The following MYCBP2 variants were observed in gnomAD, a reference collection of about 807,000 sequenced individuals.
MYCBP2 encodes the protein E3 ubiquitin-protein ligase MYCBP2.
MYCBP2 carries 120 observed loss-of-function variants against 525.3 expected under a neutral mutation model. The ratio of observed to expected loss-of-function variants is 0.23; its 90% CI spans 0.20 to 0.27. The LOEUF is 0.27. Ranked by LOEUF, MYCBP2 falls within the 10% of genes least tolerant of loss-of-function variation. The pLI is 1.00. For missense variants in MYCBP2, 4,149 were observed against 5,657.1 expected (o/e 0.73, Z 8.55); for synonymous variants, 1,894 against 1,955.8 (o/e 0.97, Z 0.83).
chr13:77,225,548 C>T lies in MYCBP2; in HGVS notation c.2744G>A (p.Ser915Asn), dbSNP rs775219437. The change falls in exon 19 of 83, where the codon AGT (serine) becomes AAT (asparagine). Residue 915 changes from serine (S) to asparagine (N), a missense_variant. Around this residue, in one of 21 missense-constraint regions of MYCBP2, gnomAD observed 620 missense variants for 795.5 expected, o/e 0.78. Transcript: ENST00000544440. ...KHKRDKHKDG[S>N]GERGEKDASK... ...TGCATCCTTTTCGCCTCTTTCTCCA[C>T]TTCCATCTGCAAGTGTTATAATTTG... The T allele has an allele frequency of 2.0e-5, 32 of 1,613,400 alleles. 1 individual carries two copies. In the Admixed American group the frequency reaches 5.2e-4, roughly 26 times the overall value.
chr13:77,067,286 A>T (rs2040374648), intron 71 of MYCBP2, among the ~76,000 whole-genome samples: 1 of 152,206 alleles, frequency 6.6e-6, no homozygotes, highest in Non-Finnish European at 1.5e-5. Flanking sequence ...GCAAAAAAAC[A>T]TATTACCTAA....
chr13:77,278,678 A>G, intron 4 of MYCBP2, 80 bp downstream of exon 4: 3 of 1,212,618 alleles, frequency 2.5e-6, no homozygotes, highest in African/African-American at 1.6e-5. Flanking sequence ...ATATTCTCTT[A>G]ACAATTTTGA....
At chr13:77,255,842 G>C (rs77244118) in intron 14 of MYCBP2, among the ~76,000 whole-genome samples, 4,268 of 152,026 alleles carry the variant, frequency 0.028, 86 homozygotes, top group East Asian at 0.052. Flanking sequence ...AATTTATACA[G>C]CATTAATCCT....
Position 77,278,742 on chromosome 13 carries a change from G to T in MYCBP2, c.748+16C>A. 1 of 1,486,212 alleles carries T rather than the reference G, an allele frequency of 6.7e-7. No homozygotes were observed. Among genetic ancestry groups the T allele is most frequent in the East Asian group, 2.5e-5 (1 of 40,518 alleles). 92.1% of individuals were successfully genotyped at this position (1,486,212 alleles called of 1,614,324 possible). ...TTCACTTTTAAATGCTTCACTGAATGAGCCTTGGCTCTTACCTAGGACCTC... is the reference window on the plus strand; with the variant it reads ...TTCACTTTTAAATGCTTCACTGAATTAGCCTTGGCTCTTACCTAGGACCTC... On this transcript the variant is annotated intron_variant, in intron 4 of 82. Transcript: ENST00000544440.
At chr13:77,076,608 T>C (rs573766706) in intron 68 of MYCBP2, 143 bp downstream of exon 68, 6 of 553,404 alleles carry the variant, frequency 1.1e-5, no homozygotes, top group African/African-American at 7.7e-5. Context: ...TTTTAGATAG[T>C]TCCTTCATCT....
intron 43 of MYCBP2, among the ~76,000 whole-genome samples, chr13:77,163,523 G>GTATA (rs1324006664): frequency 6.6e-6 from 1 of 152,092 alleles, no homozygotes; most frequent in African/African-American, 2.4e-5. Flanking sequence ...TTTAAACCAT[G>GTATA]TATAAATATT....
At chr13:77,279,042 A>T in intron 3 of MYCBP2, 131 bp from the exon 4 acceptor site, 1 of 498,784 alleles carries the variant, frequency 2.0e-6, no homozygotes, top group Non-Finnish European at 3.2e-6. Context: ...ATAATAAAAC[A>T]TCATGAAAAT....
chr13:77,048,223 C>T (rs555896818), intron 82 of MYCBP2, among the ~76,000 whole-genome samples: 14 of 152,228 alleles, frequency 9.2e-5, no homozygotes, highest in African/African-American at 3.4e-4. Context: ...GCCCCCTGCC[C>T]TTCCACGACA....
At chr13:77,196,542 AGATACGG>A (rs2061768555) in intron 26 of MYCBP2, among the ~76,000 whole-genome samples, 1 of 152,236 alleles carries the variant, frequency 6.6e-6, no homozygotes, top group South Asian at 2.1e-4. Context: ...AGAAGTGGTT[AGATACGG>A]GATTTATTTT....
At chr13:77,151,559 T>C (rs1469256586) in intron 46 of MYCBP2, among the ~76,000 whole-genome samples, 1 of 152,210 alleles carries the variant, frequency 6.6e-6, no homozygotes, top group Admixed American at 6.5e-5. Context: ...GCAACTCACT[T>C]TCTTTAAGAA....
intron 80 of MYCBP2, 76 bp from the exon 81 acceptor site, chr13:77,051,994 G>T: frequency 9.1e-7 from 1 of 1,102,440 alleles, no homozygotes; most frequent in Non-Finnish European, 1.4e-6. Flanking sequence ...TGGGCATAGT[G>T]AAAGTAAGAT....
chr13:77,325,424 C>T (rs1567268421), intron 1 of MYCBP2, among the ~76,000 whole-genome samples: 1 of 152,320 alleles, frequency 6.6e-6, no homozygotes, highest in East Asian at 1.9e-4. Flanking sequence ...CAGTCACCAA[C>T]CTTCAGGGTA....
chr13:77,113,082 G>A (rs2049110632), intron 55 of MYCBP2, among the ~76,000 whole-genome samples: 1 of 152,074 alleles, frequency 6.6e-6, no homozygotes, highest in South Asian at 2.1e-4. Context: ...ACACGTAGGT[G>A]GACTCAATAA....
chr13:77,259,873 C>T (rs967929593), intron 13 of MYCBP2, among the ~76,000 whole-genome samples: 6 of 152,148 alleles, frequency 3.9e-5, no homozygotes, highest in Admixed American at 3.9e-4. Flanking sequence ...TTGAGATTAG[C>T]ATTTATAAAT....
chr13:77,137,729 C>T (rs1176038422), intron 52 of MYCBP2, among the ~76,000 whole-genome samples: 6 of 152,154 alleles, frequency 3.9e-5, no homozygotes, highest in African/African-American at 2.4e-5. Flanking sequence ...GCTAGGATTA[C>T]AGGTGCCCGC....
chr13:77,319,077 G>A (rs567463961), intron 1 of MYCBP2, among the ~76,000 whole-genome samples: 1 of 152,232 alleles, frequency 6.6e-6, no homozygotes, highest in East Asian at 1.9e-4. Context: ...GTCTGTGGTG[G>A]TGCTTTGGGG....
At position 77,206,786 on chromosome 13, in the gene MYCBP2, C is replaced by T. The variant is rs184772749; in HGVS notation, c.3456G>A (p.Ala1152=). The change falls in exon 24 of 83, where the codon GCG becomes GCA. Residue 1152 remains alanine (A), a synonymous_variant. Coordinates refer to ENST00000544440, the MANE Select transcript of MYCBP2 (RefSeq NM_015057.5). ...PNTRELWCYN[A]VVADARLPSA... ...AGGGAAGCCTGGCATCAGCAACCAC[C>T]GCATTGTAACACCACAGCTCTCTAG... 39 of 1,610,618 alleles carry T rather than the reference C, an allele frequency of 2.4e-5. No individual in the cohort carries two copies. The highest frequency in any genetic ancestry group is 8.9e-5 in the East Asian group (4 of 44,838).
At chr13:77,213,078 T>C (rs1286488651) in intron 21 of MYCBP2, among the ~76,000 whole-genome samples, 3 of 152,182 alleles carry the variant, frequency 2.0e-5, no homozygotes, top group African/African-American at 7.2e-5. Flanking sequence ...GAAGGAAACA[T>C]GGCAAGCACA....
intron 23 of MYCBP2, among the ~76,000 whole-genome samples, chr13:77,209,001 T>C (rs1257619076): frequency 6.6e-6 from 1 of 152,180 alleles, no homozygotes; most frequent in Non-Finnish European, 1.5e-5. Flanking sequence ...ATATGATAAT[T>C]ATAAAATTTA....
Sources: gnomAD v4.1 joint callset for allele counts (sites outside exome capture counted in the v4.1 genomes callset) on GRCh38, gnomAD v4.1.1 for gene constraint, gnomAD v4.1.1 regional missense constraint, MANE v1.5 for transcripts, NCBI Gene and HGNC (gene_info 2026-07-23, HGNC 2026-07-21) for gene names.